IKZF2: variants seen among roughly 807,000 people sequenced by gnomAD.
IKZF2 encodes the protein zinc finger protein Helios.
In IKZF2, 15 loss-of-function variants were observed where a neutral mutation model predicts 49.2. That is an observed-to-expected ratio of 0.30 (90% CI 0.20 to 0.47). The LOEUF (loss-of-function observed/expected upper bound fraction) is 0.47. Ranked by LOEUF, IKZF2 falls within the 20% of genes least tolerant of loss-of-function variation. IKZF2 has a pLI of 1.00. For missense variants in IKZF2, 567 were observed against 664.6 expected (o/e 0.85, Z 1.61); for synonymous variants, 227 against 221.4 (o/e 1.03, Z -0.23).
intron 4 of IKZF2, among the ~76,000 whole-genome samples, chr2:213,124,761 G>A (rs547871379): frequency 6.6e-6 from 1 of 152,288 alleles, no homozygotes; most frequent in East Asian, 1.9e-4. Context: ...CTTTGCCTAT[G>A]TGTTTCCAAG....
chr2:213,084,777 T>A (rs1704379416), intron 4 of IKZF2, among the ~76,000 whole-genome samples: 1 of 152,224 alleles, frequency 6.6e-6, no homozygotes, highest in Non-Finnish European at 1.5e-5. Flanking sequence ...GTTGAAGTTG[T>A]ACTTTGTAAC....
In IKZF2 at chr2:213,115,249, T is replaced by A. The variant is rs1415881698; in HGVS notation, c.139+32459A>T. Reference sequence around the variant, plus strand: ...TGGTCTAAGAAAATAGTATCATGTCTTACAATGTCTTAAATATGAAACGAT... The same window carrying A: ...TGGTCTAAGAAAATAGTATCATGTCATACAATGTCTTAAATATGAAACGAT... On this transcript the variant is annotated intron_variant, in intron 4 of 8. Coordinates refer to ENST00000434687, the MANE Select transcript of IKZF2 (RefSeq NM_001387220.1). Among the ~76,000 whole-genome samples the A allele has an allele frequency of 2.0e-5, 3 of 149,292 alleles. No homozygotes were observed. The Admixed American group carries it at 2.1e-4, about 10-fold the overall frequency.
intron 4 of IKZF2, among the ~76,000 whole-genome samples, chr2:213,142,180 C>T (rs1200431662): frequency 6.6e-6 from 1 of 151,932 alleles, no homozygotes; most frequent in Non-Finnish European, 1.5e-5. Flanking sequence ...ATTTGCTTTA[C>T]ATATCATCAA....
intron 6 of IKZF2, among the ~76,000 whole-genome samples, chr2:213,030,503 T>G (rs1255075613): frequency 6.6e-6 from 1 of 151,896 alleles, no homozygotes; most frequent in Non-Finnish European, 1.5e-5. Context: ...TAGTTGAGGG[T>G]GGGGGGATGA....
chr2:213,057,349 T>C (rs1701260650), intron 4 of IKZF2, among the ~76,000 whole-genome samples: 1 of 152,166 alleles, frequency 6.6e-6, no homozygotes, highest in African/African-American at 2.4e-5. Context: ...ATTTGTTTCT[T>C]TCACTTAGAC....
chr2:213,141,007 G>T (rs1334886544), intron 4 of IKZF2, among the ~76,000 whole-genome samples: 1 of 151,784 alleles, frequency 6.6e-6, no homozygotes, highest in Non-Finnish European at 1.5e-5. Context: ...GTACCCTGTG[G>T]GTGCTTCAAA....
At chr2:213,066,554 C>A (rs976711547) in intron 4 of IKZF2, among the ~76,000 whole-genome samples, 1 of 152,072 alleles carries the variant, frequency 6.6e-6, no homozygotes, top group African/African-American at 2.4e-5. Context: ...CCCTCAGATG[C>A]AGGATTGGTC....
At chr2:213,084,086 A>C (rs533783538) in intron 4 of IKZF2, among the ~76,000 whole-genome samples, 7 of 152,232 alleles carry the variant, frequency 4.6e-5, no homozygotes. Flanking sequence ...TTAAATACCC[A>C]AACTGACACT....
chr2:213,040,604 T>C (rs1458561172), intron 6 of IKZF2, among the ~76,000 whole-genome samples: 1 of 152,140 alleles, frequency 6.6e-6, no homozygotes, highest in Non-Finnish European at 1.5e-5. Context: ...GTATGCTAAA[T>C]ATTATTTTGA....
intron 5 of IKZF2, among the ~76,000 whole-genome samples, chr2:213,050,965 A>G (rs1700625278): frequency 6.6e-6 from 1 of 152,130 alleles, no homozygotes; most frequent in Admixed American, 6.6e-5. Context: ...AGAACATTAC[A>G]AAACAATTCC....
At position 213,057,014 on chromosome 2, in the gene IKZF2, A is replaced by C. The variant is rs750371989; in HGVS notation, c.225T>G (p.Asp75Glu). 3.1e-6 allele frequency: 5 copies of C among 1,613,722 alleles called. No individual in the cohort carries two copies. The East Asian group carries it at 6.7e-5, about 22-fold the overall frequency. The change falls in exon 5 of 9, where the codon GAT becomes GAG. Residue 75 changes from aspartate to glutamate, a missense_variant. Around this residue, in one of 5 missense-constraint regions of IKZF2, gnomAD observed 156 missense variants for 138.5 expected, o/e 1.13. Transcript: ENST00000434687. The part of the protein sequence containing the change: ...LSREDEIRGH[D>E]EGSSLEEPLI... Reference sequence around the variant, plus strand: ...GGGGTTCTTCTAGGCTGCTACCCTCATCATGGCCCCTGATCTCATCTTCAC... The same window carrying C: ...GGGGTTCTTCTAGGCTGCTACCCTCCTCATGGCCCCTGATCTCATCTTCAC...
intron 6 of IKZF2, among the ~76,000 whole-genome samples, chr2:213,030,918 T>C (rs913501489): frequency 3.3e-5 from 5 of 151,232 alleles, no homozygotes; most frequent in Admixed American, 1.3e-4. Flanking sequence ...CTCCACCTCC[T>C]GGGTTCAAAT....
At chr2:213,016,145 G>A (rs1358209128) in intron 7 of IKZF2, among the ~76,000 whole-genome samples, 6 of 152,082 alleles carry the variant, frequency 3.9e-5, no homozygotes, top group Non-Finnish European at 5.9e-5. Flanking sequence ...AATAACTGAC[G>A]TATACTATGT....
At chr2:213,033,492 TTTAAA>T (rs1305434576) in intron 6 of IKZF2, among the ~76,000 whole-genome samples, 1 of 152,198 alleles carries the variant, frequency 6.6e-6, no homozygotes, top group Admixed American at 6.5e-5. Context: ...GACTTGAAAG[TTTAAA>T]TTAACCCTTG....
intron 4 of IKZF2, among the ~76,000 whole-genome samples, chr2:213,117,744 G>C (rs1006742074): frequency 1.3e-5 from 2 of 152,154 alleles, no homozygotes; most frequent in Admixed American, 6.5e-5. Flanking sequence ...TATTTCCCAA[G>C]TTCTGATTTG....
chr2:213,032,909 C>G (rs1273180027), intron 6 of IKZF2, among the ~76,000 whole-genome samples: 2 of 152,214 alleles, frequency 1.3e-5, no homozygotes, highest in Non-Finnish European at 2.9e-5. Flanking sequence ...TCAGTCAACA[C>G]TTCCTTTCAC....
At chr2:213,057,522 T>A (rs1701276879) in intron 4 of IKZF2, among the ~76,000 whole-genome samples, 1 of 152,168 alleles carries the variant, frequency 6.6e-6, no homozygotes, top group African/African-American at 2.4e-5. Flanking sequence ...TATGTATACT[T>A]CATATTCTCT....
intron 4 of IKZF2, among the ~76,000 whole-genome samples, chr2:213,062,647 G>C (rs1006990048): frequency 4.0e-5 from 6 of 151,852 alleles, no homozygotes; most frequent in African/African-American, 1.4e-4. Context: ...GTTGGTTTCT[G>C]TTCCCTGGCA....
chr2:213,046,120 T>G (rs1366861281), intron 6 of IKZF2, among the ~76,000 whole-genome samples: 1 of 152,190 alleles, frequency 6.6e-6, no homozygotes. Context: ...AAGCCACTCC[T>G]TACTTGCTAA....
Sources: gnomAD v4.1 joint callset for allele counts (sites outside exome capture counted in the v4.1 genomes callset) on GRCh38, gnomAD v4.1.1 for gene constraint, gnomAD v4.1.1 regional missense constraint, MANE v1.5 for transcripts, NCBI Gene and HGNC (gene_info 2026-07-23, HGNC 2026-07-21) for gene names.